The following LRIG1 variants were observed in gnomAD, a reference collection of about 807,000 sequenced individuals.
LRIG1 encodes the protein leucine rich repeats and immunoglobulin like domains 1.
A neutral mutation model predicts 99.2 loss-of-function variants in LRIG1; 48 were observed. The ratio of observed to expected loss-of-function variants is 0.48; its 90% CI spans 0.38 to 0.62. LRIG1 has a LOEUF of 0.62. LRIG1 is among the 20% of genes least tolerant of loss of function. The probability of loss-of-function intolerance (pLI) is 0.00; values close to 1 mark genes in which losing one functional copy is unlikely to be tolerated. For missense variants in LRIG1, 1,646 were observed against 1,434.4 expected (o/e 1.15, Z -2.38); for synonymous variants, 772 against 596.1 (o/e 1.29, Z -4.30).
intron 1 of LRIG1, among the ~76,000 whole-genome samples, chr3:66,470,296 T>C (rs1700568229): frequency 6.6e-6 from 1 of 152,168 alleles, no homozygotes; most frequent in African/African-American, 2.4e-5. Flanking sequence ...ATAACATGAA[T>C]GAAGGCCAGA....
At chr3:66,462,048 A>T (rs1016730208) in intron 2 of LRIG1, among the ~76,000 whole-genome samples, 1 of 152,230 alleles carries the variant, frequency 6.6e-6, no homozygotes, top group African/African-American at 2.4e-5. Context: ...GTTCGAGACC[A>T]GCCTGGCCAA....
At chr3:66,402,230 C>T (rs995350167) in intron 9 of LRIG1, among the ~76,000 whole-genome samples, 3 of 152,204 alleles carry the variant, frequency 2.0e-5, no homozygotes, top group African/African-American at 7.2e-5. Context: ...GAAATTCTCC[C>T]TTCCCTCCCG....
Position 66,420,065 on chromosome 3 carries a change from G to T in LRIG1, c.366-2799C>A, listed in dbSNP as rs1575676872. ...ATGCAAATCACATTTCTGATAAGGG[G>T]CTAATATCCAGATATAAAGAACCTC... On this transcript the variant is annotated intron_variant, in intron 3 of 18. Transcript: ENST00000273261. Among the ~76,000 whole-genome samples, 3 of 152,244 alleles carry T rather than the reference G, an allele frequency of 2.0e-5. No homozygotes were observed. The South Asian group carries it at 6.2e-4, about 32-fold the overall frequency.
chr3:66,417,301 C>A, intron 3 of LRIG1, 35 bp from the exon 4 acceptor site: 1 of 1,597,308 alleles, frequency 6.3e-7, no homozygotes, highest in South Asian at 1.1e-5. Context: ...TTGAGCATCT[C>A]TTTTTGCAAA....
intron 10 of LRIG1, 80 bp from the exon 11 acceptor site, chr3:66,398,263 G>A (rs549240584): frequency 1.8e-6 from 2 of 1,108,820 alleles, no homozygotes; most frequent in East Asian, 2.4e-5. Flanking sequence ...TGGTTTCACA[G>A]ATGACCCACA....
At chr3:66,398,084 A>G (rs1482890455) in intron 11 of LRIG1, 28 bp downstream of exon 11, 1 of 1,579,468 alleles carries the variant, frequency 6.3e-7, no homozygotes, top group Non-Finnish European at 8.7e-7. Flanking sequence ...ACTACCATTA[A>G]TCAGACCCAG....
chr3:66,398,880 T>A, intron 10 of LRIG1, 90 bp downstream of exon 10: 5 of 1,067,518 alleles, frequency 4.7e-6, no homozygotes, highest in Non-Finnish European at 5.7e-6. Context: ...GTTTCTCAGT[T>A]TACAAAGATG....
intron 9 of LRIG1, chr3:66,401,770 TG>T: frequency 1.2e-6 from 1 of 828,274 alleles, no homozygotes; most frequent in Non-Finnish European, 1.8e-6. Context: ...AAGGAACACC[TG>T]GCCTGACCTC....
intron 5 of LRIG1, among the ~76,000 whole-genome samples, chr3:66,414,582 A>G (rs1702565982): frequency 6.6e-6 from 1 of 152,162 alleles, no homozygotes; most frequent in Non-Finnish European, 1.5e-5. Context: ...TATCTTAAAA[A>G]AATACAGAAA....
Position 66,386,121 on chromosome 3 carries a change from G to T in LRIG1, c.1649C>A (p.Ala550Glu). The T allele has an allele frequency of 1.9e-6, 3 of 1,614,094 alleles. No homozygotes were observed. The highest frequency in any genetic ancestry group is 2.5e-6 in the Non-Finnish European group (3 of 1,179,998). Reference protein sequence around the residue: ...ADMENFVHVHAQDGEVMEYTT... With the variant: ...ADMENFVHVHEQDGEVMEYTT... ...GTACTCCATCACTTCCCCGTCCTGC[G>T]CGTGGACGTGGACAAAGTTCTCCAT... The change falls in exon 13 of 19, where the codon GCG becomes GAG. Residue 550 changes from alanine to glutamate, a missense_variant. By Grantham distance (107) the Ala-to-Glu change is moderately radical. Coordinates refer to ENST00000273261, the MANE Select transcript of LRIG1 (RefSeq NM_015541.3).
At chr3:66,485,320 C>T (rs1455279799) in intron 1 of LRIG1, among the ~76,000 whole-genome samples, 1 of 152,140 alleles carries the variant, frequency 6.6e-6, no homozygotes, top group Non-Finnish European at 1.5e-5. Flanking sequence ...CTTACAGAGC[C>T]ACAAATCCAA....
chr3:66,475,735 G>C (rs1575721316), intron 1 of LRIG1, among the ~76,000 whole-genome samples: 1 of 152,202 alleles, frequency 6.6e-6, no homozygotes, highest in African/African-American at 2.4e-5. Flanking sequence ...AGTGCAGAAA[G>C]CACCTGCACA....
At chr3:66,381,871 G>A (rs977373258) in intron 16 of LRIG1, among the ~76,000 whole-genome samples, 1 of 152,122 alleles carries the variant, frequency 6.6e-6, no homozygotes, top group Non-Finnish European at 1.5e-5. Flanking sequence ...CAAGTGCTCA[G>A]AGGCCCCCAC....
intron 1 of LRIG1, among the ~76,000 whole-genome samples, chr3:66,480,868 A>G (rs969893382): frequency 1.3e-5 from 2 of 152,222 alleles, no homozygotes; most frequent in African/African-American, 4.8e-5. Context: ...AGGAAATGTC[A>G]CCACAATGGG....
chr3:66,443,315 C>A (rs1049715716), intron 3 of LRIG1, among the ~76,000 whole-genome samples: 1 of 31,712 alleles, frequency 3.2e-5, no homozygotes, highest in African/African-American at 1.2e-4. Context: ...GTGTTGGGGG[C>A]AGGGGATGAG....
chr3:66,399,132 A>T, intron 9 of LRIG1, 91 bp from the exon 10 acceptor site: 1 of 1,058,714 alleles, frequency 9.4e-7, no homozygotes. Flanking sequence ...GAAAACACAC[A>T]ATTAAGGTAG....
Position 66,380,848 on chromosome 3 carries a change from C to G in LRIG1, c.2784G>C (p.Arg928=), listed in dbSNP as rs776845927. The change falls in exon 18 of 19, where the codon CGG becomes CGC. Residue 928 remains arginine (R), a synonymous_variant. Transcript: ENST00000273261. The part of the protein sequence containing the change: ...PGPHKMEHGG[R]VVCSDCNTEV... ...CGGTGTTGCAGTCACTGCATACGAC[C>G]CGGCCACCGTGTTCTGAAGGACAGC... 1 of 1,613,788 alleles carries G rather than the reference C, an allele frequency of 6.2e-7. No individual in the cohort carries two copies. The highest frequency in any genetic ancestry group is 8.5e-7 in the Non-Finnish European group (1 of 1,179,832).
intron 11 of LRIG1, among the ~76,000 whole-genome samples, chr3:66,394,479 T>C (rs556790531): frequency 5.7e-4 from 87 of 152,342 alleles, no homozygotes; most frequent in African/African-American, 1.9e-3. Flanking sequence ...CTGGGGCTGC[T>C]GACCCAAGGA....
In LRIG1 at chr3:66,412,888, C is replaced by A. The variant is rs371188390; in HGVS notation, c.774G>T (p.Leu258=). The change falls in exon 6 of 19, where the codon CTG becomes CTT. Residue 258 remains leucine, a synonymous_variant. Transcript: ENST00000273261. ...GCACTTACAGCACATGCATCTTGGA[C>A]AGTCCCCAGAAGGCCCCATCTGTCA... ...SKLTDGAFWG[L]SKMHVLHLEY... 49 of 1,614,040 alleles carry A rather than the reference C, an allele frequency of 3.0e-5. No homozygotes were observed. The highest frequency in any genetic ancestry group is 2.2e-4 in the East Asian group (10 of 44,894).
Sources: allele counts gnomAD v4.1 joint callset (sites outside exome capture counted in the v4.1 genomes callset), GRCh38; gene constraint gnomAD v4.1.1; transcripts MANE v1.5; gene names NCBI Gene and HGNC (gene_info 2026-07-23, HGNC 2026-07-21).